ARHGEF3: variants seen among roughly 807,000 people sequenced by gnomAD.
The protein encoded by ARHGEF3 is 59.8 kDA protein.
ARHGEF3 carries 28 observed loss-of-function variants against 63.2 expected under a neutral mutation model. The ratio of observed to expected loss-of-function variants is 0.44; its 90% confidence interval spans 0.33 to 0.61. The LOEUF (loss-of-function observed/expected upper bound fraction) is 0.61, where lower values mean the gene tolerates loss of function less well. ARHGEF3 is among the 20% of genes least tolerant of loss of function. The pLI is 0.03. For synonymous variants in ARHGEF3, 266 were observed against 254.2 expected (o/e 1.05, Z -0.44); for missense variants, 533 against 659.3 (o/e 0.81, Z 2.10).
chr3:56,980,326 G>C (rs538765923), intron 2 of ARHGEF3, among the ~76,000 whole-genome samples: 22 of 152,274 alleles, frequency 1.4e-4, no homozygotes, highest in African/African-American at 4.6e-4. Flanking sequence ...TAAACACAAA[G>C]CCTGTTTTGT....
chr3:56,801,562 TAGAG>T (rs1172616337), intron 1 of ARHGEF3, 137 bp downstream of exon 1: 4 of 1,128,746 alleles, frequency 3.5e-6, no homozygotes, highest in African/African-American at 3.2e-5. Flanking sequence ...GGGAGAGATG[TAGAG>T]AGAGAAAGTG....
chr3:56,766,787 C>T (rs759526041), intron 2 of ARHGEF3, among the ~76,000 whole-genome samples: 6 of 151,798 alleles, frequency 4.0e-5, no homozygotes, highest in Non-Finnish European at 7.4e-5. Flanking sequence ...ACATCAAGAA[C>T]AGAAGCCTTG....
At chr3:56,903,757 A>G (rs1455762586) in intron 3 of ARHGEF3, among the ~76,000 whole-genome samples, 1 of 151,616 alleles carries the variant, frequency 6.6e-6, no homozygotes, top group Admixed American at 6.6e-5. Flanking sequence ...GTGGTTCCTG[A>G]ATTTTTTTTT....
intron 3 of ARHGEF3, chr3:56,898,786 G>T (rs2041400812): frequency 6.5e-6 from 1 of 153,950 alleles, no homozygotes; most frequent in Non-Finnish European, 1.4e-5. Context: ...GCCAGGCGTG[G>T]TGGCTTACGC....
At chr3:56,880,132 G>A (rs1295464679) in intron 4 of ARHGEF3, among the ~76,000 whole-genome samples, 1 of 152,158 alleles carries the variant, frequency 6.6e-6, no homozygotes, top group African/African-American at 2.4e-5. Flanking sequence ...GCAATAAATG[G>A]TGGAAACTCA....
intron 2 of ARHGEF3, among the ~76,000 whole-genome samples, chr3:57,024,550 C>T (rs372712688): frequency 1.2e-3 from 189 of 152,164 alleles, no homozygotes; most frequent in African/African-American, 4.2e-3. Flanking sequence ...TGCAGTGGTG[C>T]GATCTCGGCT....
chr3:56,824,706 C>T (rs1191212334), intron 4 of ARHGEF3, among the ~76,000 whole-genome samples: 2 of 152,206 alleles, frequency 1.3e-5, no homozygotes, highest in African/African-American at 4.8e-5. Context: ...TTTCCACGTG[C>T]TTGCCTTCTT....
intron 3 of ARHGEF3, among the ~76,000 whole-genome samples, chr3:56,926,262 G>A (rs1200168228): frequency 2.6e-5 from 4 of 152,186 alleles, no homozygotes; most frequent in East Asian, 1.9e-4. Context: ...AGGAGGCGAG[G>A]AGACAGTCAA....
intron 3 of ARHGEF3, among the ~76,000 whole-genome samples, chr3:56,905,705 C>G (rs1238778522): frequency 6.6e-6 from 1 of 152,210 alleles, no homozygotes; most frequent in Non-Finnish European, 1.5e-5. Context: ...AAAGGTTGTT[C>G]CCCTCCTCGA....
At chr3:56,967,843 T>G (rs1423404497) in intron 2 of ARHGEF3, among the ~76,000 whole-genome samples, 2 of 60,780 alleles carry the variant, frequency 3.3e-5, no homozygotes, top group African/African-American at 1.2e-4. Context: ...TTAATTATAT[T>G]ATTATATAAT....
At chr3:57,068,157 G>GCACA (rs1331268015) in intron 1 of ARHGEF3, among the ~76,000 whole-genome samples, 3 of 80,072 alleles carry the variant, frequency 3.7e-5, no homozygotes, top group Admixed American at 3.1e-4. Flanking sequence ...AGATATGCGC[G>GCACA]CACACACACA....
At chr3:56,745,558 C>G (rs2034326569) in intron 6 of ARHGEF3, 96 bp from the exon 7 acceptor site, 3 of 1,405,310 alleles carry the variant, frequency 2.1e-6, no homozygotes, top group South Asian at 2.8e-5. Flanking sequence ...AAACACCTAA[C>G]TGGTCTCTGG....
chr3:56,951,261 T>C (rs1454300697), intron 3 of ARHGEF3, among the ~76,000 whole-genome samples: 1 of 147,894 alleles, frequency 6.8e-6, no homozygotes, highest in Non-Finnish European at 1.5e-5. Context: ...ACATGTACCC[T>C]AAAACTTAAA....
chr3:56,822,042 A>AGAGAAGCGAG (rs2038526680), intron 4 of ARHGEF3, among the ~76,000 whole-genome samples: 2 of 151,430 alleles, frequency 1.3e-5, no homozygotes, highest in African/African-American at 4.8e-5. Flanking sequence ...AGCGAGGAAA[A>AGAGAAGCGAG]GAAAAGAAAA....
Position 56,745,232 on chromosome 3 carries a change from A to G in ARHGEF3, c.843T>C (p.Asn281=). 6.2e-7 allele frequency: 1 copy of G among 1,614,012 alleles called. No homozygotes were observed. The highest frequency in any genetic ancestry group is 8.5e-7 in the Non-Finnish European group (1 of 1,179,962). The part of the protein sequence containing the change: ...REILRHTPND[N]PDQQHLEEAI... ...CTTCTTCCAAGTGCTGCTGATCTGG[A>G]TTATCATTTGGTGTGTGCCTCAAGA... Residue 281 remains asparagine (N), a synonymous_variant, in exon 7 of 10, where the codon AAT becomes AAC. Transcript: ENST00000296315.
At chr3:57,038,914 T>TG (rs1308657589) in intron 1 of ARHGEF3, among the ~76,000 whole-genome samples, 1 of 152,248 alleles carries the variant, frequency 6.6e-6, no homozygotes, top group Non-Finnish European at 1.5e-5. Context: ...TGACAGGCTG[T>TG]GACTTGCTTA....
At chr3:56,968,617 C>T (rs866474729) in intron 2 of ARHGEF3, among the ~76,000 whole-genome samples, 1 of 151,090 alleles carries the variant, frequency 6.6e-6, no homozygotes, top group African/African-American at 2.4e-5. Flanking sequence ...GTGTGAGCCA[C>T]CATACCCAGC....
intron 2 of ARHGEF3, among the ~76,000 whole-genome samples, chr3:56,994,064 C>CAAACAAAAAAAAAAAAAAAA (rs1701874864): frequency 1.7e-5 from 1 of 59,722 alleles, no homozygotes; most frequent in African/African-American, 6.7e-5. Flanking sequence ...AACTTCGTCT[C>CAAACAAAAAAAAAAAAAAAA]AAAAAAAAAA....
At position 56,727,976 on chromosome 3, in the gene ARHGEF3, C is replaced by T. The variant is rs1304632822; in HGVS notation, c.*1294G>A. ...TTTTGGCAATAATTTAGAATAATTA[C>T]CACTAGTGCTGGTGTGGGTATAATT... On this transcript the variant is annotated 3_prime_UTR_variant, in exon 10 of 10. Transcript: ENST00000296315. The T allele has an allele frequency of 6.6e-6, 1 of 152,556 alleles. No homozygotes were observed. Among genetic ancestry groups the T allele is most frequent in the East Asian group, 1.9e-4 (1 of 5,194 alleles). 9.5% of individuals were successfully genotyped at this position (152,556 alleles called of 1,614,324 possible).
Sources: gnomAD v4.1 joint callset for allele counts (sites outside exome capture counted in the v4.1 genomes callset) on GRCh38, gnomAD v4.1.1 for gene constraint, MANE v1.5 for transcripts, NCBI Gene and HGNC (gene_info 2026-07-23, HGNC 2026-07-21) for gene names.